CCDC172: variants seen among roughly 807,000 people sequenced by gnomAD.
CCDC172 encodes the protein coiled-coil domain-containing protein 172.
A neutral mutation model predicts 38.0 loss-of-function variants in CCDC172; 30 were observed. That is an observed-to-expected ratio of 0.79 (90% confidence interval 0.59 to 1.07). The LOEUF (loss-of-function observed/expected upper bound fraction) is 1.07, where lower values mean the gene tolerates loss of function less well. Ranked by LOEUF, CCDC172 falls within the 50% of genes least tolerant of loss-of-function variation. The pLI is 0.00. For missense variants in CCDC172, 297 were observed against 290.1 expected (o/e 1.02, Z -0.17); for synonymous variants, 78 against 88.3 (o/e 0.88, Z 0.66).
At chr10:116,342,838 C>G (rs754530444) in intron 5 of CCDC172, among the ~76,000 whole-genome samples, 7 of 152,110 alleles carry the variant, frequency 4.6e-5, no homozygotes, top group Non-Finnish European at 8.8e-5. Flanking sequence ...GTTCTTCCTG[C>G]TCTGGCCATG....
At chr10:116,355,096 G>A (rs369042445) in intron 5 of CCDC172, among the ~76,000 whole-genome samples, 138 of 152,282 alleles carry the variant, frequency 9.1e-4, no homozygotes, top group Admixed American at 2.4e-3. Flanking sequence ...TAGCCTAAGC[G>A]TAGTGTTGAT....
At chr10:116,368,325 T>C (rs1265045760) in intron 7 of CCDC172, among the ~76,000 whole-genome samples, 1 of 152,172 alleles carries the variant, frequency 6.6e-6, no homozygotes, top group African/African-American at 2.4e-5. Flanking sequence ...ATTACAATGG[T>C]GGCTGCAAAA....
chr10:116,370,487 G>A (rs182144008), intron 7 of CCDC172, among the ~76,000 whole-genome samples: 115 of 151,818 alleles, frequency 7.6e-4, no homozygotes, highest in African/African-American at 2.7e-3. Context: ...TTTTCCCAGT[G>A]GTTTGAGGTG....
intron 7 of CCDC172, among the ~76,000 whole-genome samples, chr10:116,371,277 C>T (rs1007577933): frequency 6.6e-6 from 1 of 151,670 alleles, no homozygotes; most frequent in Non-Finnish European, 1.5e-5. Context: ...ATTTTAAACA[C>T]CCTTTCAGCA....
intron 5 of CCDC172, among the ~76,000 whole-genome samples, chr10:116,347,122 C>T (rs962992352): frequency 2.0e-5 from 3 of 151,972 alleles, no homozygotes; most frequent in African/African-American, 7.3e-5. Flanking sequence ...TAGTTCTGGG[C>T]TAGAGCTATT....
intron 7 of CCDC172, among the ~76,000 whole-genome samples, chr10:116,377,831 T>C (rs1470119893): frequency 6.6e-6 from 1 of 152,106 alleles, no homozygotes; most frequent in Non-Finnish European, 1.5e-5. Flanking sequence ...TGTTAAGACA[T>C]AGTACTATAT....
chr10:116,360,641 A>T (rs1845051241), intron 7 of CCDC172, among the ~76,000 whole-genome samples: 1 of 152,092 alleles, frequency 6.6e-6, no homozygotes, highest in Non-Finnish European at 1.5e-5. Flanking sequence ...GGAGTGACAC[A>T]GTCTGATCGG....
chr10:116,353,390 T>G (rs562257422), intron 5 of CCDC172, among the ~76,000 whole-genome samples: 175 of 152,276 alleles, frequency 1.1e-3, no homozygotes, highest in Middle Eastern at 3.4e-3. Context: ...TAAATTGGAC[T>G]TCATCAAAGT....
intron 7 of CCDC172, among the ~76,000 whole-genome samples, chr10:116,369,090 T>G (rs976405094): frequency 6.6e-6 from 1 of 152,092 alleles, no homozygotes; most frequent in Non-Finnish European, 1.5e-5. Context: ...TAGACTATTG[T>G]GTTCAAAAAT....
chr10:116,334,557 G>A (rs1733738124), intron 3 of CCDC172, among the ~76,000 whole-genome samples: 1 of 151,726 alleles, frequency 6.6e-6, no homozygotes, highest in African/African-American at 2.4e-5. Flanking sequence ...ATATAAATAA[G>A]CAATTTTAAT....
At chr10:116,338,042 C>G (rs1303960047) in intron 3 of CCDC172, among the ~76,000 whole-genome samples, 2 of 152,142 alleles carry the variant, frequency 1.3e-5, no homozygotes, top group African/African-American at 4.8e-5. Flanking sequence ...CAACGAGGAA[C>G]TGGGCAGATT....
At chr10:116,337,906 A>C (rs1327027916) in intron 3 of CCDC172, among the ~76,000 whole-genome samples, 7 of 152,066 alleles carry the variant, frequency 4.6e-5, no homozygotes, top group Admixed American at 2.6e-4. Flanking sequence ...TGTCAAATGC[A>C]GGAACATAAA....
intron 8 of CCDC172, 107 bp downstream of exon 8, chr10:116,378,617 C>CA (rs1385460809): frequency 7.6e-6 from 6 of 786,882 alleles, no homozygotes; most frequent in African/African-American, 1.8e-5. Context: ...AATCCCTCTG[C>CA]AAAAAACAGA....
intron 3 of CCDC172, among the ~76,000 whole-genome samples, chr10:116,340,482 A>G (rs532094148): frequency 6.6e-6 from 1 of 152,018 alleles, no homozygotes; most frequent in East Asian, 1.9e-4. Context: ...GGAAAAAGAA[A>G]GCACATTCTC....
At chr10:116,343,542 T>C (rs1417536903) in intron 5 of CCDC172, among the ~76,000 whole-genome samples, 2 of 149,516 alleles carry the variant, frequency 1.3e-5, no homozygotes, top group Admixed American at 6.7e-5. Context: ...TAAAAAAATA[T>C]ATATAAAAGA....
chr10:116,352,915 C>T (rs957273707), intron 5 of CCDC172, among the ~76,000 whole-genome samples: 101 of 151,970 alleles, frequency 6.6e-4, no homozygotes, highest in African/African-American at 2.2e-3. Flanking sequence ...TAAACAAGGC[C>T]GGGCACAGTG....
intron 5 of CCDC172, among the ~76,000 whole-genome samples, chr10:116,342,880 C>T (rs1049481056): frequency 6.6e-6 from 1 of 152,122 alleles, no homozygotes; most frequent in Non-Finnish European, 1.5e-5. Context: ...CTGCCTTCCA[C>T]CACGATTTTA....
At chr10:116,344,370 CAATGTTACTATACTG>C (rs1844837746) in intron 5 of CCDC172, among the ~76,000 whole-genome samples, 1 of 152,188 alleles carries the variant, frequency 6.6e-6, no homozygotes, top group African/African-American at 2.4e-5. Context: ...AGCCTGTACT[CAATGTTACTATACTG>C]AAGACTGTAG....
At chr10:116,377,718 CA>C (rs1040844313) in intron 7 of CCDC172, among the ~76,000 whole-genome samples, 1 of 147,156 alleles carries the variant, frequency 6.8e-6, no homozygotes, top group African/African-American at 2.7e-5. Context: ...GCTCAAGGGT[CA>C]TTTTTTTTTC....
Sources: gnomAD v4.1 joint callset for allele counts (sites outside exome capture counted in the v4.1 genomes callset) on GRCh38, gnomAD v4.1.1 for gene constraint, MANE v1.5 for transcripts, NCBI Gene and HGNC (gene_info 2026-07-23, HGNC 2026-07-21) for gene names.